The following TRPM3 variants were observed in gnomAD, a reference collection of about 807,000 sequenced individuals.
TRPM3 encodes the protein long transient receptor potential channel 3.
Under a neutral mutation model 181.2 loss-of-function variants are expected in TRPM3, and 77 were observed. That is an observed-to-expected ratio of 0.42 (90% CI 0.35 to 0.51). The LOEUF (loss-of-function observed/expected upper bound fraction) is 0.51. Ranked by LOEUF, TRPM3 falls within the 20% of genes least tolerant of loss-of-function variation. TRPM3 has a pLI of 0.01. For synonymous variants in TRPM3, 745 were observed against 796.4 expected, an observed-to-expected ratio of 0.94 and a Z score of 1.09; for missense variants, 1,759 against 2,196.7, an observed-to-expected ratio of 0.80 and a Z score of 3.98.
At chr9:70,982,313 T>G (rs1348004834) in intron 1 of TRPM3, among the ~76,000 whole-genome samples, 3 of 152,166 alleles carry the variant, frequency 2.0e-5, no homozygotes, top group Admixed American at 2.0e-4. Flanking sequence ...TCTCCTAATT[T>G]CTATAGTGAC....
At chr9:71,337,328 CTCA>C (rs749054076) in intron 1 of TRPM3, among the ~76,000 whole-genome samples, 12 of 152,152 alleles carry the variant, frequency 7.9e-5, no homozygotes, top group Non-Finnish European at 1.8e-4. Flanking sequence ...ATGAAAAAAG[CTCA>C]TCATCACTGG....
In TRPM3 at chr9:71,395,445, T is replaced by C. The variant is rs189871455; in HGVS notation, c.183+51208A>G. Reference sequence around the variant, plus strand: ...GTACACTACATAGGAAAAGGTCTGATAGTACAAAAACTTTAGACATTCTAG... The same window carrying C: ...GTACACTACATAGGAAAAGGTCTGACAGTACAAAAACTTTAGACATTCTAG... On this transcript the variant is annotated intron_variant, in intron 1 of 24. Transcript: ENST00000357533. Among the ~76,000 whole-genome samples, 217 of 152,324 alleles carry C rather than the reference T, an allele frequency of 1.4e-3. 1 individual carries two copies. The highest frequency in any genetic ancestry group is 3.9e-3 in the Admixed American group (59 of 15,304).
At chr9:71,115,118 C>T (rs538900401) in intron 1 of TRPM3, among the ~76,000 whole-genome samples, 9 of 152,262 alleles carry the variant, frequency 5.9e-5, no homozygotes, top group African/African-American at 1.4e-4. Context: ...ACCTTTTGCT[C>T]CCACTGTCGA....
At chr9:70,819,541 A>G (rs964612432) in intron 6 of TRPM3, among the ~76,000 whole-genome samples, 2 of 152,194 alleles carry the variant, frequency 1.3e-5, no homozygotes, top group African/African-American at 4.8e-5. Flanking sequence ...AGATATTACT[A>G]TAGGGTAAAG....
At chr9:70,596,416 T>C in intron 21 of TRPM3, among the ~76,000 whole-genome samples, 1 of 152,098 alleles carries the variant, frequency 6.6e-6, no homozygotes, top group East Asian at 1.9e-4. Flanking sequence ...ATGATACATA[T>C]AGTAAATCTC....
At chr9:70,668,652 G>A (rs1436661309) in intron 9 of TRPM3, among the ~76,000 whole-genome samples, 9 of 119,888 alleles carry the variant, frequency 7.5e-5, no homozygotes, top group East Asian at 5.4e-4. Context: ...GCGACAGAGC[G>A]AGACTCCGTC....
At chr9:71,282,496 A>G (rs2084927850) in intron 1 of TRPM3, among the ~76,000 whole-genome samples, 1 of 152,226 alleles carries the variant, frequency 6.6e-6, no homozygotes, top group African/African-American at 2.4e-5. Context: ...GGGTAGTGCT[A>G]TTTTTAAAAA....
At chr9:71,373,188 C>T (rs765197236) in intron 1 of TRPM3, among the ~76,000 whole-genome samples, 4 of 151,730 alleles carry the variant, frequency 2.6e-5, no homozygotes, top group Non-Finnish European at 5.9e-5. Flanking sequence ...TCTCAGTTAA[C>T]AATCTAACAT....
At chr9:71,028,728 G>A (rs753337119) in intron 1 of TRPM3, among the ~76,000 whole-genome samples, 4 of 151,798 alleles carry the variant, frequency 2.6e-5, no homozygotes, top group Non-Finnish European at 5.9e-5. Flanking sequence ...ATTCCATAAG[G>A]GTAAAGGGTT....
intron 8 of TRPM3, among the ~76,000 whole-genome samples, chr9:70,738,562 C>T (rs1345465120): frequency 6.6e-6 from 1 of 152,000 alleles, no homozygotes; most frequent in Non-Finnish European, 1.5e-5. Flanking sequence ...AATCTAAGGT[C>T]ACACATCAAG....
intron 1 of TRPM3, among the ~76,000 whole-genome samples, chr9:71,009,971 A>C (rs1018045929): frequency 6.6e-6 from 1 of 152,174 alleles, no homozygotes; most frequent in African/African-American, 2.4e-5. Flanking sequence ...CCAGGAACAC[A>C]CATTGGGGAA....
intron 9 of TRPM3, among the ~76,000 whole-genome samples, chr9:70,651,946 G>A (rs1006884606): frequency 1.3e-5 from 2 of 152,094 alleles, no homozygotes; most frequent in Admixed American, 6.5e-5. Context: ...GGATAGGAAC[G>A]TGCTCAATAG....
chr9:70,868,023 C>G (rs750242446), intron 1 of TRPM3, among the ~76,000 whole-genome samples: 1 of 151,968 alleles, frequency 6.6e-6, no homozygotes, highest in Non-Finnish European at 1.5e-5. Context: ...TCTAGCTGAC[C>G]CTTCAATTCT....
chr9:71,188,061 A>C (rs1193184769), intron 1 of TRPM3, among the ~76,000 whole-genome samples: 1 of 151,968 alleles, frequency 6.6e-6, no homozygotes, highest in Non-Finnish European at 1.5e-5. Flanking sequence ...TTTATATTAC[A>C]GACAACTTTA....
intron 7 of TRPM3, among the ~76,000 whole-genome samples, chr9:70,770,240 T>C (rs1315920336): frequency 6.6e-6 from 1 of 152,094 alleles, no homozygotes; most frequent in African/African-American, 2.4e-5. Context: ...AAAACATATA[T>C]TTGGTTCTAT....
At chr9:71,222,263 G>A (rs913845388) in intron 1 of TRPM3, among the ~76,000 whole-genome samples, 2 of 152,192 alleles carry the variant, frequency 1.3e-5, no homozygotes, top group Admixed American at 1.3e-4. Context: ...GTTGAATAAG[G>A]ATCTGAGTCC....
intron 1 of TRPM3, among the ~76,000 whole-genome samples, chr9:71,057,039 G>C (rs1455283808): frequency 6.6e-6 from 1 of 152,044 alleles, no homozygotes; most frequent in Non-Finnish European, 1.5e-5. Flanking sequence ...ACAAAATAGG[G>C]AAAGAGGATA....
intron 7 of TRPM3, chr9:70,776,350 C>T (rs1394020779): frequency 6.1e-6 from 4 of 650,650 alleles, no homozygotes; most frequent in Non-Finnish European, 1.1e-5. Context: ...GCTGAGCTTC[C>T]AATGCTGGCC....
intron 6 of TRPM3, among the ~76,000 whole-genome samples, chr9:70,797,167 G>A (rs929132651): frequency 2.0e-5 from 3 of 152,056 alleles, no homozygotes; most frequent in Admixed American, 6.6e-5. Flanking sequence ...AAATGACAAC[G>A]TAATTATTTC....
Sources: allele counts gnomAD v4.1 joint callset (sites outside exome capture counted in the v4.1 genomes callset), GRCh38; gene constraint gnomAD v4.1.1; transcripts MANE v1.5; gene names NCBI Gene and HGNC (gene_info 2026-07-23, HGNC 2026-07-21).